The following MAP2K7 variants were observed in gnomAD, a reference collection of about 807,000 sequenced individuals.
The protein encoded by MAP2K7 is dual specificity mitogen-activated protein kinase kinase 7.
Under a neutral mutation model 47.7 loss-of-function variants are expected in MAP2K7, and 12 were observed. The observed-to-expected ratio is 0.25, with a 90% CI of 0.16 to 0.41. The LOEUF is 0.41. Ranked by LOEUF, MAP2K7 falls within the 10% of genes least tolerant of loss-of-function variation. The pLI, the probability that MAP2K7 is intolerant of heterozygous loss-of-function variation, is 1.00. For synonymous variants in MAP2K7, 299 were observed against 243.0 expected (o/e 1.23, Z -2.14); for missense variants, 415 against 600.3 (o/e 0.69, Z 3.23).
intron 1 of MAP2K7, 31 bp downstream of exon 1, chr19:7,904,099 G>A (rs1982269645): frequency 1.6e-6 from 2 of 1,217,458 alleles, no homozygotes; most frequent in Non-Finnish European, 2.1e-6. Flanking sequence ...GAGGGGGCGG[G>A]CGGGCGGGGC....
chr19:7,905,974 C>T (rs1433744300), intron 1 of MAP2K7: 2 of 887,784 alleles, frequency 2.3e-6, no homozygotes, highest in South Asian at 1.3e-5. Context: ...TGTCCCTTCC[C>T]CTCACTCTCA....
intron 5 of MAP2K7, 37 bp from the exon 6 acceptor site, chr19:7,910,659 G>A (rs1193129058): frequency 1.9e-6 from 3 of 1,607,154 alleles, no homozygotes; most frequent in South Asian, 2.2e-5. Flanking sequence ...GGGTGGGCCG[G>A]AAGACACAGC....
intron 1 of MAP2K7, among the ~76,000 whole-genome samples, chr19:7,907,524 C>G (rs1982543611): frequency 6.6e-6 from 1 of 152,258 alleles, no homozygotes; most frequent in Admixed American, 6.5e-5. Flanking sequence ...CATCCTCACC[C>G]TCTTGCTCTC....
In MAP2K7 at chr19:7,913,915, T is replaced by C. The variant is rs1314373740; in HGVS notation, c.*1484T>C. ...GTTGACTCTTGTTATTATCATGATA[T>C]TCACAAAACGCCGCATGTTTAAAAA... On this transcript the variant is annotated 3_prime_UTR_variant, in exon 11 of 11. Transcript: ENST00000397979. The C allele has an allele frequency of 6.6e-6, 1 of 152,472 alleles. No homozygotes were observed. Among genetic ancestry groups the C allele is most frequent in the Admixed American group, 6.5e-5 (1 of 15,288 alleles). 9.4% of individuals were successfully genotyped at this position (152,472 alleles called of 1,614,324 possible).
chr19:7,910,479 G>A lies in MAP2K7; in HGVS notation c.474G>A (p.Glu158=). Residue 158 remains glutamate (E), a synonymous_variant, in exon 5 of 11, where the codon GAG becomes GAA. Coordinates refer to ENST00000397979, the MANE Select transcript of MAP2K7 (RefSeq NM_145185.4). The stretch of plus-strand genomic sequence containing the variant: ...AAATGCGGCGCTCCGGGAACAAGGA[G>A]GAGAACAAGCGCATCCTCATGGACC... ...VKQMRRSGNK[E]ENKRILMDLD... 1 of 1,611,546 alleles carries A rather than the reference G, an allele frequency of 6.2e-7. No homozygotes were observed. The highest frequency in any genetic ancestry group is 8.5e-7 in the Non-Finnish European group (1 of 1,179,028).
rs1384098610 is a variant in MAP2K7 at position 7,910,474 on chromosome 19, A to G, written c.469A>G (p.Lys157Glu). 6.2e-7 allele frequency: 1 copy of G among 1,610,840 alleles called. No individual in the cohort carries two copies. Among genetic ancestry groups the G allele is most frequent in the African/African-American group, 1.3e-5 (1 of 74,832 alleles). The change falls in exon 5 of 11, where the codon AAG becomes GAG. Residue 157 changes from lysine to glutamate, a missense_variant. Around this residue, in one of 3 missense-constraint regions of MAP2K7, gnomAD observed 206 missense variants for 368.8 expected, o/e 0.56. Transcript: ENST00000397979. ...GCAGCAAATGCGGCGCTCCGGGAACAAGGAGGAGAACAAGCGCATCCTCAT... is the reference window on the plus strand; with the variant it reads ...GCAGCAAATGCGGCGCTCCGGGAACGAGGAGGAGAACAAGCGCATCCTCAT... ...AVKQMRRSGN[K>E]EENKRILMDL...
In MAP2K7 at chr19:7,912,122, C is replaced by T. The variant is rs200445181; in HGVS notation, c.1080-27C>T. Reference sequence around the variant, plus strand: ...GGCATCCCCTCCTCCCTCGTTCTCACATCTGTCTTCCCTTCTCTTGCTCTA... The same window carrying T: ...GGCATCCCCTCCTCCCTCGTTCTCATATCTGTCTTCCCTTCTCTTGCTCTA... On this transcript the variant is annotated intron_variant, in intron 9 of 10. Coordinates refer to ENST00000397979, the MANE Select transcript of MAP2K7 (RefSeq NM_145185.4). The T allele has an allele frequency of 2.5e-6, 4 of 1,612,002 alleles. No homozygotes were observed. In the East Asian group the frequency reaches 8.9e-5, roughly 36 times the overall value.
chr19:7,910,449 G>T lies in MAP2K7; in HGVS notation c.448-4G>T. On this transcript the variant is annotated splice_region_variant and splice_polypyrimidine_tract_variant and intron_variant, in intron 4 of 10. Transcript: ENST00000397979. ...GAGGCTCCCTCCTGTCCCTGCCTGT[G>T]CAGCAAATGCGGCGCTCCGGGAACA... 1 of 1,606,164 alleles carries T rather than the reference G, an allele frequency of 6.2e-7. No individual in the cohort carries two copies. The highest frequency in any genetic ancestry group is 1.1e-5 in the South Asian group (1 of 90,072).
intron 1 of MAP2K7, among the ~76,000 whole-genome samples, chr19:7,908,228 G>A (rs1015708039): frequency 6.6e-6 from 1 of 152,060 alleles, no homozygotes; most frequent in Non-Finnish European, 1.5e-5. Flanking sequence ...CCAGGACAGC[G>A]GGAGGGGCAC....
intron 8 of MAP2K7, 38 bp downstream of exon 8, chr19:7,911,368 G>A (rs772898158): frequency 6.2e-7 from 1 of 1,613,440 alleles, no homozygotes; most frequent in Admixed American, 1.7e-5. Context: ...AGCCAGGAGT[G>A]AGGGCTTCTG....
Position 7,912,601 on chromosome 19 carries a change from C to A in MAP2K7, c.*170C>A. The A allele has an allele frequency of 5.1e-6, 4 of 780,972 alleles. No homozygotes were observed. Among genetic ancestry groups the A allele is most frequent in the Non-Finnish European group, 5.9e-6 (3 of 505,938 alleles). 48.4% of individuals were successfully genotyped at this position (780,972 alleles called of 1,614,324 possible). A position where few individuals can be genotyped will look rare whatever the true frequency, so the allele number is the denominator to read the frequency against. ...CCCACCCCCCCCGCCCCGGGCCTAC[C>A]AAGCCCCCGCCCTTCCCACCCCGGG... On this transcript the variant is annotated 3_prime_UTR_variant, in exon 11 of 11. Transcript: ENST00000397979.
chr19:7,914,303 C>G lies in MAP2K7; in HGVS notation c.*1872C>G, dbSNP rs1011867238. The G allele has an allele frequency of 6.6e-6, 1 of 152,478 alleles. No individual in the cohort carries two copies. The highest frequency in any genetic ancestry group is 2.4e-5 in the African/African-American group (1 of 41,446). 9.4% of individuals were successfully genotyped at this position (152,478 alleles called of 1,614,324 possible). On this transcript the variant is annotated 3_prime_UTR_variant, in exon 11 of 11. Coordinates refer to ENST00000397979, the MANE Select transcript of MAP2K7 (RefSeq NM_145185.4). ...TCCCCCCTCGTCACCAGCCATCCCT[C>G]TGGACCAGGCAGAGGGCGGACCGGG... is the stretch of plus-strand genomic sequence containing the variant.
In MAP2K7 at chr19:7,913,043, G is replaced by GCGCTCTCTCT. The variant is rs143071290; in HGVS notation, c.*613_*614insGCTCTCTCTC. ...CGGCTGGACGGGGCTGCGCGCTCGC[G>GCGCTCTCTCT]CTCTCTCTCTCTCTCTCTCTCTCTC... On this transcript the variant is annotated 3_prime_UTR_variant, in exon 11 of 11. Coordinates refer to ENST00000397979, the MANE Select transcript of MAP2K7 (RefSeq NM_145185.4). 6.0e-5 allele frequency: 9 copies of GCGCTCTCTCT among 150,124 alleles called. No homozygotes were observed. Among genetic ancestry groups the GCGCTCTCTCT allele is most frequent in the Non-Finnish European group, 1.0e-4 (7 of 67,562 alleles). The allele number at this position is 150,124 out of a possible 1,614,324, so 9.3% of individuals were successfully genotyped here. A position where few individuals can be genotyped will look rare whatever the true frequency, so the allele number is the denominator to read the frequency against.
chr19:7,914,443 T>TA lies in MAP2K7; in HGVS notation c.*2013dup, dbSNP rs1370614728. On this transcript the variant is annotated 3_prime_UTR_variant, in exon 11 of 11. Coordinates refer to ENST00000397979, the MANE Select transcript of MAP2K7 (RefSeq NM_145185.4). The stretch of plus-strand genomic sequence containing the variant: ...CAAAATGCCCTCGTTTGTAAACCCT[T>TA]AGACGCTTGAGAATAAACCCCTTCC... The TA allele has an allele frequency of 4.6e-5, 7 of 152,394 alleles. No homozygotes were observed. In the East Asian group the frequency reaches 1.4e-3, roughly 29 times the overall value. The allele number at this position is 152,394 out of a possible 1,614,324, so 9.4% of individuals were successfully genotyped here.
chr19:7,910,847 C>A (rs41285782), intron 6 of MAP2K7, 44 bp downstream of exon 6: 4 of 1,572,608 alleles, frequency 2.5e-6, no homozygotes, highest in Non-Finnish European at 2.6e-6. Context: ...ATGACAGAGG[C>A]GGTGAGTGAC....
At chr19:7,906,606 C>T (rs892359630) in intron 1 of MAP2K7, 1 of 152,326 alleles carries the variant, frequency 6.6e-6, no homozygotes, top group Non-Finnish European at 1.5e-5. Context: ...AAAACTGGGC[C>T]AGGCGCAGTG....
Position 7,909,748 on chromosome 19 carries a change from C to T in MAP2K7, c.125-7C>T. 6.5e-7 allele frequency: 1 copy of T among 1,537,664 alleles called. No homozygotes were observed. Among genetic ancestry groups the T allele is most frequent in the African/African-American group, 1.4e-5 (1 of 72,962 alleles). On this transcript the variant is annotated splice_region_variant and splice_polypyrimidine_tract_variant and intron_variant, in intron 1 of 10. Coordinates refer to ENST00000397979, the MANE Select transcript of MAP2K7 (RefSeq NM_145185.4). ...CCCCTCCCTGCCACTGGTTCTCACC[C>T]CCCTAGCCCTGCAGCTCCCGCTGGC... is the stretch of plus-strand genomic sequence containing the variant.
rs1169925266 is a variant in MAP2K7, at chr19:7,912,787, G to T, written c.*356G>T. ...CGCAGCCACCATGCACGCTCCCAGC[G>T]TGCTGTGTCCTTCGCCACTCCCACG... On this transcript the variant is annotated 3_prime_UTR_variant, in exon 11 of 11. Coordinates refer to ENST00000397979, the MANE Select transcript of MAP2K7 (RefSeq NM_145185.4). The T allele has an allele frequency of 2.3e-5, 7 of 307,788 alleles. No individual in the cohort carries two copies. The South Asian group carries it at 2.8e-4, about 12-fold the overall frequency. The allele number at this position is 307,788 out of a possible 1,614,324, so 19.1% of individuals were successfully genotyped here.
chr19:7,905,992 TCTCA>T, intron 1 of MAP2K7: 1 of 794,018 alleles, frequency 1.3e-6, no homozygotes, highest in Non-Finnish European at 2.2e-6. Context: ...TCACTTTCTC[TCTCA>T]CTCCACTCAA....
Sources: allele counts gnomAD v4.1 joint callset (sites outside exome capture counted in the v4.1 genomes callset), GRCh38; gene constraint gnomAD v4.1.1; regional missense constraint gnomAD v4.1.1; transcripts MANE v1.5; gene names NCBI Gene and HGNC (gene_info 2026-07-23, HGNC 2026-07-21).